Variants in SCOC observed in about 807,000 individuals in gnomAD.
SCOC encodes short coiled-coil protein.
A neutral mutation model predicts 9.9 loss-of-function variants in SCOC; 7 were observed. That is an observed-to-expected ratio of 0.71 (90% CI 0.40 to 1.33). The LOEUF (loss-of-function observed/expected upper bound fraction) is 1.33. Among genes scored for constraint, SCOC ranks in the 40% most tolerant of loss-of-function variants. The pLI, the probability that SCOC is intolerant of heterozygous loss-of-function variation, is 0.01. For missense variants in SCOC, 66 were observed against 89.7 expected (o/e 0.74, Z 1.07); for synonymous variants, 19 against 28.2 (o/e 0.67, Z 1.03).
chr4:140,366,870 G>T, intron 2 of SCOC: 1 of 741,168 alleles, frequency 1.3e-6, no homozygotes, highest in Non-Finnish European at 2.4e-6. Flanking sequence ...TGTTGGTGGC[G>T]TTTGGCAAGA....
rs184926969 is a variant in SCOC, at chr4:140,258,630, A to G, written c.-19+1220A>G. ...AGAGATTCATTCATTGTAGAAGCTG[A>G]AGAAGCGCTTTAGATTGTGTCTGAG... On this transcript the variant is annotated intron_variant, in intron 1 of 4. Transcript: ENST00000394205. Among the ~76,000 whole-genome samples the G allele has an allele frequency of 2.0e-5, 3 of 152,314 alleles. No homozygotes were observed. In the East Asian group the frequency reaches 5.8e-4, roughly 29 times the overall value.
At chr4:140,353,677 C>T (rs982031206) in intron 2 of SCOC, among the ~76,000 whole-genome samples, 2 of 152,174 alleles carry the variant, frequency 1.3e-5, no homozygotes, top group African/African-American at 2.4e-5. Flanking sequence ...CGATTACAGG[C>T]GTGAGCCACC....
At chr4:140,336,020 ACCT>A (rs1244565992) in intron 1 of SCOC, among the ~76,000 whole-genome samples, 1 of 152,036 alleles carries the variant, frequency 6.6e-6, no homozygotes, top group Non-Finnish European at 1.5e-5. Flanking sequence ...TCTTATCTTG[ACCT>A]CCTTTGATGC....
chr4:140,368,443 A>G (rs1469800822), intron 2 of SCOC, among the ~76,000 whole-genome samples: 1 of 152,220 alleles, frequency 6.6e-6, no homozygotes, highest in Non-Finnish European at 1.5e-5. Flanking sequence ...AGGTATAAAT[A>G]CCAATTCTGG....
chr4:140,377,119 A>G (rs1306071715), intron 1 of SCOC, among the ~76,000 whole-genome samples: 3 of 152,282 alleles, frequency 2.0e-5, no homozygotes, highest in African/African-American at 7.2e-5. Flanking sequence ...CTCTCATCTT[A>G]CTCAGACCTC....
At chr4:140,354,566 C>T (rs1349793599) in intron 2 of SCOC, among the ~76,000 whole-genome samples, 2 of 142,118 alleles carry the variant, frequency 1.4e-5, no homozygotes, top group Non-Finnish European at 3.0e-5. Flanking sequence ...AACAGTAACT[C>T]CTCTATTTGT....
chr4:140,278,521 G>A (rs751622795), intron 1 of SCOC, among the ~76,000 whole-genome samples: 1 of 151,970 alleles, frequency 6.6e-6, no homozygotes, highest in Non-Finnish European at 1.5e-5. Flanking sequence ...GGATGGTCTC[G>A]ATCTCCTGAC....
intron 1 of SCOC, among the ~76,000 whole-genome samples, chr4:140,267,465 T>A (rs1282798983): frequency 6.6e-6 from 1 of 152,208 alleles, no homozygotes; most frequent in East Asian, 1.9e-4. Context: ...TCCTGGGATC[T>A]GTTTCTTGCC....
At chr4:140,350,645 G>T (rs1726937475) in intron 2 of SCOC, among the ~76,000 whole-genome samples, 1 of 152,118 alleles carries the variant, frequency 6.6e-6, no homozygotes, top group African/African-American at 2.4e-5. Context: ...TGGCAGGAAG[G>T]GCTTGAACTT....
At position 140,382,327 on chromosome 4, in the gene SCOC, A is replaced by G. The variant is rs1192565890; in HGVS notation, c.*1223A>G. 1 of 152,604 alleles carries G rather than the reference A, an allele frequency of 6.6e-6. No homozygotes were observed. Among genetic ancestry groups the G allele is most frequent in the African/African-American group, 2.4e-5 (1 of 41,452 alleles). The allele number at this position is 152,604 out of a possible 1,614,324, so 9.5% of individuals were successfully genotyped here. ...ATATTGGAAGTATTGCTAAAATCTTATAATATGAAAAGAGATCCACTAATG... is the reference window on the plus strand; with the variant it reads ...ATATTGGAAGTATTGCTAAAATCTTGTAATATGAAAAGAGATCCACTAATG... On this transcript the variant is annotated 3_prime_UTR_variant, in exon 4 of 4. Transcript: ENST00000608372.
chr4:140,361,998 T>C (rs1727492426), intron 2 of SCOC, among the ~76,000 whole-genome samples: 1 of 152,022 alleles, frequency 6.6e-6, no homozygotes, highest in Non-Finnish European at 1.5e-5. Flanking sequence ...TGAAGGGGAC[T>C]TGAACTTGAT....
chr4:140,339,243 C>T (rs985270741), upstream of SCOC, among the ~76,000 whole-genome samples: 42 of 151,998 alleles, frequency 2.8e-4, no homozygotes, highest in Non-Finnish European at 5.4e-4. Context: ...AACTGGCTAG[C>T]CATATGTAGA....
intron 1 of SCOC, among the ~76,000 whole-genome samples, chr4:140,311,266 A>G (rs1186134599): frequency 1.3e-5 from 2 of 151,986 alleles, no homozygotes; most frequent in Non-Finnish European, 2.9e-5. Flanking sequence ...TTTAACCTTC[A>G]CTTGTCTGAT....
rs370681280 is a variant in SCOC at position 140,298,983 on chromosome 4, T to C, written c.-19+41573T>C. Reference sequence around the variant, plus strand: ...GGCACACACTGAAATGCCTGGCTAATTTTTTCTATTTTTTTGTGGAGACAG... The same window carrying C: ...GGCACACACTGAAATGCCTGGCTAACTTTTTCTATTTTTTTGTGGAGACAG... On this transcript the variant is annotated intron_variant, in intron 1 of 4. Transcript: ENST00000394205. Among the ~76,000 whole-genome samples, 9 of 152,168 alleles carry C rather than the reference T, an allele frequency of 5.9e-5. No individual in the cohort carries two copies. The East Asian group carries it at 1.6e-3, about 26-fold the overall frequency.
intron 1 of SCOC, among the ~76,000 whole-genome samples, chr4:140,296,131 T>G (rs1731630228): frequency 6.6e-6 from 1 of 152,084 alleles, no homozygotes; most frequent in Non-Finnish European, 1.5e-5. Context: ...CCAGGCACGT[T>G]GTGGCAGGGT....
chr4:140,343,192 AC>A (rs1467992401), upstream of SCOC, among the ~76,000 whole-genome samples: 1 of 152,022 alleles, frequency 6.6e-6, no homozygotes, highest in African/African-American at 2.4e-5. Flanking sequence ...TTTGTGACTT[AC>A]CCCCAGGTCA....
intron 1 of SCOC, among the ~76,000 whole-genome samples, chr4:140,292,908 C>A (rs201941419): frequency 6.6e-6 from 1 of 152,314 alleles, no homozygotes; most frequent in East Asian, 1.9e-4. Flanking sequence ...GGCTTTGAAA[C>A]TTTAATTATC....
chr4:140,379,509 C>A, intron 2 of SCOC, 60 bp from the exon 3 acceptor site: 1 of 1,224,002 alleles, frequency 8.2e-7, no homozygotes, highest in Non-Finnish European at 1.2e-6. Context: ...TTTTTAAGTG[C>A]TACCCTACAC....
intron 1 of SCOC, among the ~76,000 whole-genome samples, chr4:140,377,895 G>A (rs984208375): frequency 1.3e-5 from 2 of 152,160 alleles, no homozygotes; most frequent in Non-Finnish European, 2.9e-5. Flanking sequence ...GTAAATACTT[G>A]TTGAAAGAAT....
Sources: allele counts gnomAD v4.1 joint callset (sites outside exome capture counted in the v4.1 genomes callset), GRCh38; gene constraint gnomAD v4.1.1; transcripts MANE v1.5; gene names NCBI Gene and HGNC (gene_info 2026-07-23, HGNC 2026-07-21).